FMNL3: variants seen among roughly 807,000 people sequenced by gnomAD.
FMNL3 encodes the protein formin-like protein 3.
In FMNL3, 57 loss-of-function variants were observed where a neutral mutation model predicts 119.6. The observed-to-expected ratio is 0.48, with a 90% CI of 0.39 to 0.59. The LOEUF (loss-of-function observed/expected upper bound fraction) is 0.59. FMNL3 is among the 20% of genes least tolerant of loss of function. The probability of loss-of-function intolerance (pLI) is 0.00; values close to 1 mark genes in which losing one functional copy is unlikely to be tolerated. For missense variants in FMNL3, 1,053 were observed against 1,323.5 expected, an observed-to-expected ratio of 0.80 and a Z score of 3.17; for synonymous variants, 491 against 507.3, an observed-to-expected ratio of 0.97 and a Z score of 0.43.
chr12:49,698,119 G>C (rs766604545), intron 1 of FMNL3, among the ~76,000 whole-genome samples: 1 of 152,130 alleles, frequency 6.6e-6, no homozygotes, highest in South Asian at 2.1e-4. Context: ...GAGAGGCACC[G>C]TACAATTAAA....
chr12:49,673,261 C>T (rs1944093809), intron 1 of FMNL3, among the ~76,000 whole-genome samples: 1 of 152,222 alleles, frequency 6.6e-6, no homozygotes, highest in South Asian at 2.1e-4. Flanking sequence ...GACCGCAGGT[C>T]CAAGTCCTCC....
Position 49,649,707 on chromosome 12 carries a change from A to G in FMNL3, c.2219T>C (p.Leu740Pro). 1 of 1,614,154 alleles carries G rather than the reference A, an allele frequency of 6.2e-7. No individual in the cohort carries two copies. Among genetic ancestry groups the G allele is most frequent in the Non-Finnish European group, 8.5e-7 (1 of 1,180,008 alleles). ...GGGCTGTACCGGTGTGAGCATCTGC[A>G]GGTTATCCTGGAAGTTCCCCAGGAA... ...MAFLGNFQDNLQMLTPQLNAI... is the reference protein window; with the variant it reads ...MAFLGNFQDNPQMLTPQLNAI... The change falls in exon 18 of 26, where the codon CTG becomes CCG. Residue 740 changes from leucine (L) to proline (P), a missense_variant. Transcript: ENST00000335154. The surrounding 1 kb of genome is among the most constrained non-coding windows in gnomAD (Gnocchi z 5.6).
chr12:49,636,642 AAC>A lies in FMNL3; in HGVS notation c.*9171_*9172del. 1 of 1,594,962 alleles carries A rather than the reference AAC, an allele frequency of 6.3e-7. No homozygotes were observed. Among genetic ancestry groups the A allele is most frequent in the Non-Finnish European group, 8.6e-7 (1 of 1,165,616 alleles). On this transcript the variant is annotated 3_prime_UTR_variant, in exon 26 of 26. Coordinates refer to ENST00000335154, the MANE Select transcript of FMNL3 (RefSeq NM_175736.5). ...AGCACCTGTAGGACAGCATCGTTGAAACATTAGGGGTGCTGGGGTCTGAGAGG... is the reference window on the plus strand; with the variant it reads ...AGCACCTGTAGGACAGCATCGTTGAAATTAGGGGTGCTGGGGTCTGAGAGG...
intron 1 of FMNL3, among the ~76,000 whole-genome samples, chr12:49,682,278 G>A (rs1193137277): frequency 6.6e-6 from 1 of 151,746 alleles, no homozygotes; most frequent in African/African-American, 2.4e-5. Context: ...CACTGTGTTA[G>A]CCAGAATGGT....
chr12:49,669,968 C>T (rs1275737226), intron 1 of FMNL3, among the ~76,000 whole-genome samples: 2 of 152,260 alleles, frequency 1.3e-5, no homozygotes, highest in African/African-American at 4.8e-5. Context: ...ATCGCCTACC[C>T]AAAGTGTCGC....
chr12:49,638,963 T>C lies in FMNL3; in HGVS notation c.*6852A>G, dbSNP rs1212847398. 1 of 152,246 alleles carries C rather than the reference T, an allele frequency of 6.6e-6. No individual in the cohort carries two copies. The highest frequency in any genetic ancestry group is 1.5e-5 in the Non-Finnish European group (1 of 68,040). 9.4% of individuals were successfully genotyped at this position (152,246 alleles called of 1,614,324 possible). ...GTAGGTGTTGCATTTTAACACCATATTACCTATTTAATATAAATTTAATAT... is the reference window on the plus strand; with the variant it reads ...GTAGGTGTTGCATTTTAACACCATACTACCTATTTAATATAAATTTAATAT... On this transcript the variant is annotated 3_prime_UTR_variant, in exon 26 of 26. Transcript: ENST00000335154.
rs182120423 is a variant in FMNL3 at position 49,654,315 on chromosome 12, A to C, written c.961-13T>G. On this transcript the variant is annotated splice_polypyrimidine_tract_variant and intron_variant, in intron 10 of 25. Coordinates refer to ENST00000335154, the MANE Select transcript of FMNL3 (RefSeq NM_175736.5). ...GCATGCAGGCCACCTGAAGAAGAGG[A>C]GGCCCAGAGAAGCAGCAACAGGAAG... is the stretch of plus-strand genomic sequence containing the variant. The C allele has an allele frequency of 6.2e-4, 990 of 1,608,986 alleles. 5 individuals are homozygous for C. Among genetic ancestry groups the C allele is most frequent in the East Asian group, 4.8e-3 (217 of 44,770 alleles).
chr12:49,706,346 G>A (rs1489034245), intron 1 of FMNL3, among the ~76,000 whole-genome samples: 2 of 152,166 alleles, frequency 1.3e-5, no homozygotes, highest in African/African-American at 4.8e-5. Context: ...ATGGCTTAAC[G>A]TGAAAAGGGG....
In FMNL3 at chr12:49,643,223, G is replaced by A. The variant is rs1220562200; in HGVS notation, c.*2592C>T. On this transcript the variant is annotated 3_prime_UTR_variant, in exon 26 of 26. Transcript: ENST00000335154. ...GACATGTATCTGCTGATCTGCCCAG[G>A]GCTCTGAGTCAGAAGAAGAGGAGCT... 6.2e-7 allele frequency: 1 copy of A among 1,614,056 alleles called. No individual in the cohort carries two copies. The highest frequency in any genetic ancestry group is 1.1e-5 in the South Asian group (1 of 91,052).
At position 49,643,648 on chromosome 12, in the gene FMNL3, T is replaced by G; in HGVS notation, c.*2167A>C. On this transcript the variant is annotated 3_prime_UTR_variant, in exon 26 of 26. Transcript: ENST00000335154. ...GGCTAGAACAAAGAAAAAGAGCCTGTCTTTCTCCTGTTGGGACTTAGTAGG... is the reference window on the plus strand; with the variant it reads ...GGCTAGAACAAAGAAAAAGAGCCTGGCTTTCTCCTGTTGGGACTTAGTAGG... The G allele has an allele frequency of 6.3e-7, 1 of 1,590,836 alleles. No individual in the cohort carries two copies. The highest frequency in any genetic ancestry group is 1.4e-5 in the African/African-American group (1 of 73,626).
chr12:49,661,987 G>C lies in FMNL3; in HGVS notation c.431C>G (p.Ser144Cys), dbSNP rs776740010. Residue 144 changes from serine to cysteine, a missense_variant, in exon 5 of 26, where the codon TCC becomes TGC. Around this residue, in one of 4 missense-constraint regions of FMNL3, gnomAD observed 264 missense variants for 265.5 expected, o/e 0.99. Transcript: ENST00000335154. ...TCACATGACAGAACACTGGGCAAAG[G>C]ACAGGTAATCCACCAGTACATCCAG... The part of the protein sequence containing the change: ...KGLDVLVDYL[S>C]FAQCSVMFDF... 6.2e-7 allele frequency: 1 copy of C among 1,614,156 alleles called. No homozygotes were observed. The highest frequency in any genetic ancestry group is 1.1e-5 in the South Asian group (1 of 91,078).
In FMNL3 at chr12:49,642,088, C is replaced by T; in HGVS notation, c.*3727G>A. 1 of 1,603,322 alleles carries T rather than the reference C, an allele frequency of 6.2e-7. No individual in the cohort carries two copies. Among genetic ancestry groups the T allele is most frequent in the East Asian group, 2.2e-5 (1 of 44,808 alleles). Reference sequence around the variant, plus strand: ...ATCTGTGTCTTGCTCCATTCCTTCTCACTCACTGTCCCACTGACTATATTC... The same window carrying T: ...ATCTGTGTCTTGCTCCATTCCTTCTTACTCACTGTCCCACTGACTATATTC... On this transcript the variant is annotated 3_prime_UTR_variant, in exon 26 of 26. Transcript: ENST00000335154. This position sits in a 1 kb window ranked among gnomAD's most constrained non-coding sequence, Gnocchi z 5.8.
chr12:49,637,613 G>A lies in FMNL3; in HGVS notation c.*8202C>T, dbSNP rs1034017226. On this transcript the variant is annotated 3_prime_UTR_variant, in exon 26 of 26. Transcript: ENST00000335154. ...AGGCAGCCAGGCTCCCCCTTCTCTG[G>A]CCTGGCTTCCTGCCCTGCCAGCCTC... is the stretch of plus-strand genomic sequence containing the variant. 1.2e-5 allele frequency: 19 copies of A among 1,603,024 alleles called. No individual in the cohort carries two copies. In the Admixed American group the frequency reaches 2.0e-4, roughly 17 times the overall value.
At chr12:49,662,726 C>T (rs147565342) in intron 4 of FMNL3, among the ~76,000 whole-genome samples, 1 of 152,168 alleles carries the variant, frequency 6.6e-6, no homozygotes, top group Admixed American at 6.5e-5. Context: ...CGTGGGTCCC[C>T]CTCAGCCAGG....
At position 49,642,142 on chromosome 12, in the gene FMNL3, A is replaced by G; in HGVS notation, c.*3673T>C. The G allele has an allele frequency of 1.2e-6, 2 of 1,607,176 alleles. No homozygotes were observed. The highest frequency in any genetic ancestry group is 1.7e-5 in the Admixed American group (1 of 59,826). On this transcript the variant is annotated 3_prime_UTR_variant, in exon 26 of 26. Coordinates refer to ENST00000335154, the MANE Select transcript of FMNL3 (RefSeq NM_175736.5). This position sits in a 1 kb window ranked among gnomAD's most constrained non-coding sequence, Gnocchi z 5.8. Reference sequence around the variant, plus strand: ...ATTCAGGGGATGGTGGTAGAAGCCCAGACCCTAACTTTCCACCTCCTAAGG... The same window carrying G: ...ATTCAGGGGATGGTGGTAGAAGCCCGGACCCTAACTTTCCACCTCCTAAGG...
intron 1 of FMNL3, among the ~76,000 whole-genome samples, chr12:49,700,409 A>G (rs548699271): frequency 1.9e-4 from 28 of 148,474 alleles, no homozygotes; most frequent in East Asian, 6.0e-4. Context: ...AAAAAAAAAA[A>G]AGAGATTTTA....
intron 1 of FMNL3, among the ~76,000 whole-genome samples, chr12:49,673,296 G>A (rs1423614863): frequency 2.0e-5 from 3 of 152,352 alleles, no homozygotes; most frequent in East Asian, 3.9e-4. Context: ...TCAGCTCATT[G>A]AGCAGATGAG....
chr12:49,652,882 C>T (rs1318882213), intron 13 of FMNL3, among the ~76,000 whole-genome samples: 5 of 152,138 alleles, frequency 3.3e-5, no homozygotes, highest in Admixed American at 3.3e-4. Flanking sequence ...TCACTCTGCC[C>T]CTGCTCATTA....
At chr12:49,690,870 C>A (rs759555017) in intron 1 of FMNL3, among the ~76,000 whole-genome samples, 1 of 152,208 alleles carries the variant, frequency 6.6e-6, no homozygotes, top group African/African-American at 2.4e-5. Context: ...CATGGTGAAA[C>A]CTTGTCTCTA....
Sources: gnomAD v4.1 joint callset for allele counts (sites outside exome capture counted in the v4.1 genomes callset) on GRCh38, gnomAD v4.1.1 for gene constraint, gnomAD v4.1.1 regional missense constraint, Gnocchi (gnomAD v3.1) non-coding constraint, MANE v1.5 for transcripts, NCBI Gene and HGNC (gene_info 2026-07-23, HGNC 2026-07-21) for gene names.